Variants in COPG2 observed in about 807,000 individuals in gnomAD.
COPG2 encodes coatomer subunit gamma-2.
In COPG2, 37 loss-of-function variants were observed where a neutral mutation model predicts 46.3. The observed-to-expected ratio is 0.80, with a 90% CI of 0.61 to 1.05. The LOEUF is 1.05. COPG2 is among the 50% of genes least tolerant of loss of function. COPG2 has a pLI of 0.00. For missense variants in COPG2, 427 were observed against 387.8 expected, an observed-to-expected ratio of 1.10 and a Z score of -0.85; for synonymous variants, 159 against 129.7, an observed-to-expected ratio of 1.23 and a Z score of -1.53.
At chr7:130,541,694 G>A (rs1212510544) in intron 20 of COPG2, among the ~76,000 whole-genome samples, 1 of 151,376 alleles carries the variant, frequency 6.6e-6, no homozygotes, top group Non-Finnish European at 1.5e-5. Context: ...CAGGGTTGTG[G>A]GGCCCTGGAA....
chr7:130,542,936 G>T (rs1016431839), intron 20 of COPG2, among the ~76,000 whole-genome samples: 2 of 152,212 alleles, frequency 1.3e-5, no homozygotes, highest in Non-Finnish European at 2.9e-5. Flanking sequence ...TCATGGCTGA[G>T]TGTAGGAGCA....
At chr7:130,632,431 T>C (rs1437564171) in intron 5 of COPG2, among the ~76,000 whole-genome samples, 1 of 152,244 alleles carries the variant, frequency 6.6e-6, no homozygotes, top group Non-Finnish European at 1.5e-5. Flanking sequence ...CAGAGTCCTT[T>C]GAATTTACCT....
At chr7:130,578,326 T>A (rs1430321013) in intron 9 of COPG2, among the ~76,000 whole-genome samples, 1 of 145,776 alleles carries the variant, frequency 6.9e-6, no homozygotes, top group Non-Finnish European at 1.5e-5. Context: ...AGAAAGGACA[T>A]CCACACCAAA....
intron 20 of COPG2, among the ~76,000 whole-genome samples, chr7:130,536,049 T>G (rs1799876671): frequency 6.6e-6 from 1 of 151,898 alleles, no homozygotes; most frequent in Non-Finnish European, 1.5e-5. Context: ...AAAATTAGAT[T>G]GAGGCCAAAG....
intron 5 of COPG2, among the ~76,000 whole-genome samples, chr7:130,634,602 A>C (rs1394684550): frequency 6.6e-6 from 1 of 152,208 alleles, no homozygotes; most frequent in Non-Finnish European, 1.5e-5. Flanking sequence ...TTATCAGCTT[A>C]AGGAGATTTC....
chr7:130,583,710 C>T (rs1455591709), intron 9 of COPG2, among the ~76,000 whole-genome samples: 1 of 140,966 alleles, frequency 7.1e-6, no homozygotes, highest in African/African-American at 2.7e-5. Context: ...GAGGCTGAGG[C>T]AGGGGAATCG....
intron 5 of COPG2, among the ~76,000 whole-genome samples, chr7:130,640,617 GTC>G (rs1795446540): frequency 6.6e-6 from 1 of 152,090 alleles, no homozygotes; most frequent in Non-Finnish European, 1.5e-5. Flanking sequence ...TTCCTGAAAA[GTC>G]TGCCCCAATT....
chr7:130,654,026 A>G (rs1317152539), intron 4 of COPG2, among the ~76,000 whole-genome samples: 1 of 152,152 alleles, frequency 6.6e-6, no homozygotes, highest in Non-Finnish European at 1.5e-5. Flanking sequence ...AAATTTCATT[A>G]AAACACAAAA....
chr7:130,532,966 C>A (rs950030701), intron 20 of COPG2, among the ~76,000 whole-genome samples: 2 of 152,026 alleles, frequency 1.3e-5, no homozygotes, highest in Admixed American at 6.6e-5. Flanking sequence ...CCATGCTATG[C>A]AGTAGAGGAG....
intron 5 of COPG2, among the ~76,000 whole-genome samples, chr7:130,631,156 CTTTTCT>C (rs1378139141): frequency 6.9e-6 from 1 of 145,306 alleles, no homozygotes; most frequent in African/African-American, 2.5e-5. Flanking sequence ...TTTTTGTTCC[CTTTTCT>C]TTTTCTTTTC....
At chr7:130,640,933 G>A (rs980160414) in intron 5 of COPG2, among the ~76,000 whole-genome samples, 1 of 152,054 alleles carries the variant, frequency 6.6e-6, no homozygotes, top group African/African-American at 2.4e-5. Flanking sequence ...AAAGTTATAT[G>A]TGTTTCTTTC....
At chr7:130,652,629 T>C (rs1425696944) in intron 5 of COPG2, among the ~76,000 whole-genome samples, 3 of 152,234 alleles carry the variant, frequency 2.0e-5, no homozygotes, top group Admixed American at 2.0e-4. Flanking sequence ...GTTTTATCCA[T>C]TTTTATGAAA....
intron 20 of COPG2, among the ~76,000 whole-genome samples, chr7:130,514,299 AGAG>A (rs1164794487): frequency 3.3e-5 from 5 of 152,240 alleles, no homozygotes; most frequent in African/African-American, 1.2e-4. Context: ...TAATATTGGA[AGAG>A]GAGTGGCTGG....
chr7:130,543,085 C>G (rs1156283262), intron 20 of COPG2, among the ~76,000 whole-genome samples: 1 of 152,102 alleles, frequency 6.6e-6, no homozygotes, highest in African/African-American at 2.4e-5. Context: ...GCAACCCCAA[C>G]TGATATGGAA....
Position 130,592,758 on chromosome 7 carries a change from T to A in COPG2, c.737+18195A>T, listed in dbSNP as rs560659163. ...ATGTCATATACCTGTAAGATCTGGG[T>A]CACAGCCTCTGATTATACCAGGGAA... On this transcript the variant is annotated intron_variant, in intron 9 of 23. Transcript: ENST00000425248. Among the ~76,000 whole-genome samples, 9 of 152,306 alleles carry A rather than the reference T, an allele frequency of 5.9e-5. No individual in the cohort carries two copies. In the South Asian group the frequency reaches 1.9e-3, roughly 32 times the overall value.
chr7:130,582,927 A>C (rs1326813733), intron 9 of COPG2, among the ~76,000 whole-genome samples: 2 of 151,852 alleles, frequency 1.3e-5, no homozygotes, highest in Non-Finnish European at 2.9e-5. Flanking sequence ...ACCATTGTGG[A>C]AGTCAGTGTG....
At chr7:130,619,002 G>C (rs1250352065) in intron 5 of COPG2, among the ~76,000 whole-genome samples, 1 of 151,982 alleles carries the variant, frequency 6.6e-6, no homozygotes, top group Non-Finnish European at 1.5e-5. Flanking sequence ...ACAATATGTA[G>C]CATATAGTTA....
chr7:130,546,744 G>A (rs1793450939), intron 20 of COPG2: 1 of 152,140 alleles, frequency 6.6e-6, no homozygotes, highest in Non-Finnish European at 1.5e-5. Flanking sequence ...AAAGAAAGCA[G>A]GTTAAGCCCC....
chr7:130,648,317 G>A, intron 5 of COPG2, among the ~76,000 whole-genome samples: 1 of 151,956 alleles, frequency 6.6e-6, no homozygotes, highest in East Asian at 1.9e-4. Flanking sequence ...AGTCTCACTG[G>A]GCTAAAATCA....
Sources: gnomAD v4.1 joint callset for allele counts (sites outside exome capture counted in the v4.1 genomes callset) on GRCh38, gnomAD v4.1.1 for gene constraint, MANE v1.5 for transcripts, NCBI Gene and HGNC (gene_info 2026-07-23, HGNC 2026-07-21) for gene names.